The following AFAP1 variants were observed in gnomAD, a reference collection of about 807,000 sequenced individuals.
The protein encoded by AFAP1 is actin filament associated protein 1.
Under a neutral mutation model 93.9 loss-of-function variants are expected in AFAP1, and 75 were observed. The ratio of observed to expected loss-of-function variants is 0.80; its 90% confidence interval spans 0.66 to 0.97. AFAP1 has a LOEUF of 0.97. Ranked by LOEUF, AFAP1 falls within the 50% of genes least tolerant of loss-of-function variation. The pLI, the probability that AFAP1 is intolerant of heterozygous loss-of-function variation, is 0.00. For missense variants in AFAP1, 1,201 were observed against 1,050.8 expected, an observed-to-expected ratio of 1.14 and a Z score of -1.98; for synonymous variants, 517 against 430.7, an observed-to-expected ratio of 1.20 and a Z score of -2.48.
rs755464157 is a variant in AFAP1 at position 7,800,523 on chromosome 4, G to A, written c.1185C>T (p.Cys395=). The A allele has an allele frequency of 6.8e-6, 11 of 1,614,188 alleles. No individual in the cohort carries two copies. The highest frequency in any genetic ancestry group is 2.2e-5 in the East Asian group (1 of 44,882). ...THIVSIPLRG[C]EVIPGLDSKH... is the part of the protein sequence containing the mutation. Reference sequence around the variant, plus strand: ...TAGAATCCAAACCCGGGATCACCTCGCAGCCACGGAGCGGAATAGACACAA... The same window carrying A: ...TAGAATCCAAACCCGGGATCACCTCACAGCCACGGAGCGGAATAGACACAA... The change falls in exon 10 of 18, where the codon TGC becomes TGT. Residue 395 remains cysteine (C), a synonymous_variant. Coordinates refer to ENST00000420658, the MANE Select transcript of AFAP1 (RefSeq NM_001134647.2).
At position 7,768,941 on chromosome 4, in the gene AFAP1, T is replaced by A. The variant is rs1405895617; in HGVS notation, c.2321A>T (p.Glu774Val). The stretch of plus-strand genomic sequence containing the variant: ...CGCGCTGTTCACCGGCACGGGGCCC[T>A]CGGTGTCACTGGTGTCACAGCTGGA... ...PISSCDTSDT[E>V]GPVPVNSAAV... The change falls in exon 17 of 18, where the codon GAG becomes GTG. Residue 774 changes from glutamate (E) to valine (V), a missense_variant. Glu to Val is a moderately radical substitution (Grantham distance 121). Transcript: ENST00000420658. The A allele has an allele frequency of 6.2e-7, 1 of 1,613,882 alleles. No homozygotes were observed. Among genetic ancestry groups the A allele is most frequent in the Admixed American group, 1.7e-5 (1 of 60,016 alleles).
intron 9 of AFAP1, among the ~76,000 whole-genome samples, chr4:7,801,928 A>G (rs990882200): frequency 6.6e-6 from 1 of 151,154 alleles, no homozygotes; most frequent in Non-Finnish European, 1.5e-5. Flanking sequence ...AAAAAAAAAA[A>G]AAAAAAAAAA....
intron 1 of AFAP1, among the ~76,000 whole-genome samples, chr4:7,904,643 G>C (rs2149219954): frequency 6.6e-6 from 1 of 152,296 alleles, no homozygotes; most frequent in South Asian, 2.1e-4. Flanking sequence ...AGGTTATTTA[G>C]TAACTTTTCT....
At chr4:7,783,743 T>A (rs978205218) in intron 12 of AFAP1, among the ~76,000 whole-genome samples, 1 of 152,118 alleles carries the variant, frequency 6.6e-6, no homozygotes, top group Non-Finnish European at 1.5e-5. Flanking sequence ...ACGGGCTGGG[T>A]GGAGCTGGAT....
At position 7,761,958 on chromosome 4, in the gene AFAP1, G is replaced by A. The variant is rs1386813698; in HGVS notation, c.*1807C>T. 6.6e-6 allele frequency: 1 copy of A among 152,216 alleles called. No individual in the cohort carries two copies. The highest frequency in any genetic ancestry group is 2.4e-5 in the African/African-American group (1 of 41,442). The allele number at this position is 152,216 out of a possible 1,614,324, so 9.4% of individuals were successfully genotyped here. ...GGATGCTGGTGTGATGGGCCTCCACGGACTAGGCCGGGAGGAACGTGCATC... is the reference window on the plus strand; with the variant it reads ...GGATGCTGGTGTGATGGGCCTCCACAGACTAGGCCGGGAGGAACGTGCATC... On this transcript the variant is annotated 3_prime_UTR_variant, in exon 18 of 18. Coordinates refer to ENST00000420658, the MANE Select transcript of AFAP1 (RefSeq NM_001134647.2).
intron 6 of AFAP1, among the ~76,000 whole-genome samples, chr4:7,820,882 G>T (rs1720916432): frequency 6.6e-6 from 1 of 152,170 alleles, no homozygotes; most frequent in African/African-American, 2.4e-5. Context: ...GCTTTGGGAG[G>T]CTGAGGTGGG....
rs73210849 is a variant in AFAP1 at position 7,823,177 on chromosome 4, G to A, written c.727-4006C>T. ...GTGTCTCCTACTAAGTTGTGCTCGT[G>A]TTCATGGGAGGGGCTGGGCCTTGCT... On this transcript the variant is annotated intron_variant, in intron 6 of 17. Coordinates refer to ENST00000420658, the MANE Select transcript of AFAP1 (RefSeq NM_001134647.2). Among the ~76,000 whole-genome samples, 436 of 152,194 alleles carry A rather than the reference G, an allele frequency of 2.9e-3. 1 individual carries two copies. Among genetic ancestry groups the A allele is most frequent in the Non-Finnish European group, 4.1e-3 (280 of 68,006 alleles).
intron 3 of AFAP1, among the ~76,000 whole-genome samples, chr4:7,864,019 ACC>A (rs1716076644): frequency 2.6e-4 from 39 of 152,052 alleles, no homozygotes; most frequent in Middle Eastern, 6.8e-3. Context: ...TCCCATCACA[ACC>A]CATTCCCAAC....
intron 1 of AFAP1, among the ~76,000 whole-genome samples, chr4:7,928,093 C>T (rs1283544834): frequency 2.0e-5 from 3 of 152,156 alleles, no homozygotes; most frequent in Middle Eastern, 3.2e-3. Context: ...AGAACATGGA[C>T]CCAGTTCTGC....
chr4:7,859,980 A>G (rs1270664705), intron 3 of AFAP1, among the ~76,000 whole-genome samples: 1 of 152,036 alleles, frequency 6.6e-6, no homozygotes, highest in Admixed American at 6.6e-5. Flanking sequence ...CATCTCTACA[A>G]AAAAATACAA....
At chr4:7,786,160 A>G (rs1301413405) in intron 12 of AFAP1, 34 bp downstream of exon 12, 2 of 1,593,474 alleles carry the variant, frequency 1.3e-6, no homozygotes, top group Non-Finnish European at 1.7e-6. Context: ...GCCTCTAACA[A>G]AACCAACCAT....
At chr4:7,927,978 GCT>G (rs1720859754) in intron 1 of AFAP1, among the ~76,000 whole-genome samples, 8 of 152,102 alleles carry the variant, frequency 5.3e-5, no homozygotes, top group Admixed American at 3.9e-4. Flanking sequence ...CGGCCTAAAT[GCT>G]CTTTCGTATG....
chr4:7,920,211 C>A (rs916282023), intron 1 of AFAP1, among the ~76,000 whole-genome samples: 4 of 152,156 alleles, frequency 2.6e-5, no homozygotes, highest in African/African-American at 7.2e-5. Flanking sequence ...TTTGAGGAAT[C>A]GCCACACTGT....
chr4:7,843,879 A>G (rs1274363878), intron 4 of AFAP1: 1 of 163,272 alleles, frequency 6.1e-6, no homozygotes, highest in African/African-American at 2.4e-5. Flanking sequence ...TTTGACAGAA[A>G]TGTACACCTG....
At chr4:7,849,631 A>G (rs1183768749) in intron 4 of AFAP1, among the ~76,000 whole-genome samples, 1 of 152,212 alleles carries the variant, frequency 6.6e-6, no homozygotes, top group African/African-American at 2.4e-5. Context: ...ATGTCATTTC[A>G]TAAGAATGAT....
At chr4:7,811,394 C>T (rs549801141) in intron 8 of AFAP1, among the ~76,000 whole-genome samples, 1 of 151,810 alleles carries the variant, frequency 6.6e-6, no homozygotes, top group East Asian at 2.0e-4. Flanking sequence ...CAAGACGACG[C>T]GCCCTGGCCT....
intron 14 of AFAP1, 147 bp downstream of exon 14, chr4:7,778,615 T>C: frequency 3.8e-6 from 3 of 785,418 alleles, no homozygotes; most frequent in Admixed American, 4.0e-5. Flanking sequence ...TCCTTCTATG[T>C]GGCTGATGAG....
chr4:7,884,312 AATGCAAG>A (rs1718022399), intron 1 of AFAP1, among the ~76,000 whole-genome samples: 1 of 152,166 alleles, frequency 6.6e-6, no homozygotes, highest in Non-Finnish European at 1.5e-5. Context: ...TCTTTATAGC[AATGCAAG>A]ATAGGCCTAA....
intron 13 of AFAP1, chr4:7,779,305 T>C (rs1716495434): frequency 1.2e-5 from 2 of 161,094 alleles, no homozygotes; most frequent in South Asian, 3.5e-4. Context: ...CTGCTCCAAG[T>C]GCTTTGACAC....
Sources: allele counts gnomAD v4.1 joint callset (sites outside exome capture counted in the v4.1 genomes callset), GRCh38; gene constraint gnomAD v4.1.1; transcripts MANE v1.5; gene names NCBI Gene and HGNC (gene_info 2026-07-23, HGNC 2026-07-21).